MAST2: variants seen among roughly 807,000 people sequenced by gnomAD.
The protein encoded by MAST2 is microtubule-associated serine/threonine-protein kinase 2.
MAST2 carries 70 observed loss-of-function variants against 147.4 expected under a neutral mutation model. The ratio of observed to expected loss-of-function variants is 0.47; its 90% CI spans 0.39 to 0.58. MAST2 has a LOEUF of 0.58. Among genes scored for constraint, MAST2 ranks in the 20% least tolerant of loss-of-function variants. MAST2 has a pLI of 0.00. For missense variants in MAST2, 2,080 were observed against 2,302.3 expected, an observed-to-expected ratio of 0.90 and a Z score of 1.98; for synonymous variants, 869 against 896.8, an observed-to-expected ratio of 0.97 and a Z score of 0.55.
intron 4 of MAST2, among the ~76,000 whole-genome samples, chr1:45,948,372 C>G (rs1475949010): frequency 6.6e-6 from 1 of 152,032 alleles, no homozygotes; most frequent in Non-Finnish European, 1.5e-5. Context: ...ATCAAACTAC[C>G]AAGAGTATTC....
chr1:45,832,920 A>T (rs192446398), intron 3 of MAST2, among the ~76,000 whole-genome samples: 1 of 152,074 alleles, frequency 6.6e-6, no homozygotes, highest in African/African-American at 2.4e-5. Flanking sequence ...TAGAAACTGT[A>T]CTCTTCAGGT....
At chr1:46,028,676 T>C (rs1041663126) in intron 17 of MAST2, 92 bp from the exon 18 acceptor site, 32 of 1,353,340 alleles carry the variant, frequency 2.4e-5, no homozygotes, top group Non-Finnish European at 3.3e-5. Context: ...TCAGAGATTC[T>C]TCTGCTCGAG....
In MAST2 at chr1:45,980,697, A is replaced by G. The variant is rs118073846; in HGVS notation, c.593-17027A>G. Among the ~76,000 whole-genome samples, 87 of 151,948 alleles carry G rather than the reference A, an allele frequency of 5.7e-4. No homozygotes were observed. The East Asian group carries it at 0.013, about 23-fold the overall frequency. Reference sequence around the variant, plus strand: ...CTACATGTGCGCACCACTATGCCCAACTAATTTTTTAATTTTTTTGTAGAG... The same window carrying G: ...CTACATGTGCGCACCACTATGCCCAGCTAATTTTTTAATTTTTTTGTAGAG... On this transcript the variant is annotated intron_variant, in intron 5 of 28. Transcript: ENST00000361297.
At chr1:45,849,582 A>G (rs932608444) in intron 3 of MAST2, among the ~76,000 whole-genome samples, 1 of 150,310 alleles carries the variant, frequency 6.7e-6, no homozygotes, top group African/African-American at 2.5e-5. Context: ...GCTGGAGTGC[A>G]GTGGCGCGAT....
intron 5 of MAST2, among the ~76,000 whole-genome samples, chr1:45,982,217 T>A (rs1280848442): frequency 6.6e-6 from 1 of 152,140 alleles, no homozygotes; most frequent in Non-Finnish European, 1.5e-5. Context: ...GTAGCACACA[T>A]TTTTAGGCCT....
rs1645650244 is a variant in MAST2, at chr1:46,010,071, A to C, written c.979-659A>C. Among the ~76,000 whole-genome samples, 3 of 151,952 alleles carry C rather than the reference A, an allele frequency of 2.0e-5. No homozygotes were observed. In the South Asian group the frequency reaches 6.2e-4, roughly 32 times the overall value. Reference sequence around the variant, plus strand: ...ATCCACAGTCCCCCCATTCCAACTCACCATCTGTGACCAGACAGGTTCACT... The same window carrying C: ...ATCCACAGTCCCCCCATTCCAACTCCCCATCTGTGACCAGACAGGTTCACT... On this transcript the variant is annotated intron_variant, in intron 9 of 28. Transcript: ENST00000361297.
intron 3 of MAST2, among the ~76,000 whole-genome samples, chr1:45,854,619 A>G (rs1035182051): frequency 7.2e-5 from 11 of 152,210 alleles, no homozygotes; most frequent in Non-Finnish European, 1.6e-4. Context: ...CATTAAACCT[A>G]TAAAGAAATA....
At chr1:46,002,364 C>A (rs188575463) in intron 6 of MAST2, among the ~76,000 whole-genome samples, 1 of 152,194 alleles carries the variant, frequency 6.6e-6, no homozygotes, top group Non-Finnish European at 1.5e-5. Context: ...CCCACTTCTT[C>A]CTGTTGTCAG....
intron 10 of MAST2, among the ~76,000 whole-genome samples, chr1:46,016,530 A>G (rs917131003): frequency 3.9e-5 from 6 of 152,146 alleles, no homozygotes; most frequent in Non-Finnish European, 2.9e-5. Flanking sequence ...ATTCTTATAC[A>G]CCAATAACAG....
rs78526044 is a variant in MAST2 at position 45,828,462 on chromosome 1, T to C, written c.326-977T>C. Reference sequence around the variant, plus strand: ...AGATAATCTGGATTTATGGAGGGTCTTTTTCATATGCCAAAATGTCTGGCA... The same window carrying C: ...AGATAATCTGGATTTATGGAGGGTCCTTTTCATATGCCAAAATGTCTGGCA... On this transcript the variant is annotated intron_variant, in intron 2 of 28. Transcript: ENST00000361297. Among the ~76,000 whole-genome samples, 2,259 of 152,300 alleles carry C rather than the reference T, an allele frequency of 0.015. 111 individuals are homozygous for C. The East Asian group carries it at 0.2, about 13-fold the overall frequency.
At chr1:45,848,214 AC>A (rs747158567) in intron 3 of MAST2, among the ~76,000 whole-genome samples, 1 of 152,360 alleles carries the variant, frequency 6.6e-6, no homozygotes, top group East Asian at 1.9e-4. Flanking sequence ...TCCTGAGACT[AC>A]TATCCTTAGA....
intron 1 of MAST2, among the ~76,000 whole-genome samples, chr1:45,818,021 C>T (rs1436275801): frequency 6.6e-6 from 1 of 152,130 alleles, no homozygotes; most frequent in Non-Finnish European, 1.5e-5. Context: ...AAAACGTTGT[C>T]GAGATGCTTG....
In MAST2 at chr1:46,019,646, G is replaced by A. The variant is rs371311999; in HGVS notation, c.1239G>A (p.Val413=). Residue 413 remains valine (V), a synonymous_variant, in exon 11 of 29, where the codon GTG becomes GTA. Coordinates refer to ENST00000361297, the MANE Select transcript of MAST2 (RefSeq NM_015112.3). ...AAGTGGCTTTTGTGATGCAGCTGGT[G>A]AAAAAGCTGATGATTATCATTGCCC... ...SSEVAFVMQL[V]KKLMIIIARP... The A allele has an allele frequency of 1.6e-4, 258 of 1,614,186 alleles. No homozygotes were observed. In the African/African-American group the frequency reaches 2.8e-3, roughly 17 times the overall value.
At chr1:45,883,912 G>GCCTCCCCC (rs59944185) in intron 4 of MAST2, among the ~76,000 whole-genome samples, 5 of 2,504 alleles carry the variant, frequency 2.0e-3, no homozygotes, top group African/African-American at 2.6e-3. Context: ...TACTATTTCT[G>GCCTCCCCC]CCCCCCCCGC....
At chr1:45,821,895 T>G (rs13376284) in intron 1 of MAST2, among the ~76,000 whole-genome samples, 1 of 139,976 alleles carries the variant, frequency 7.1e-6, no homozygotes, top group Non-Finnish European at 1.6e-5. Context: ...CTTTTTTTTT[T>G]TTTTTTTTTT....
intron 3 of MAST2, among the ~76,000 whole-genome samples, chr1:45,857,758 A>G (rs1645837216): frequency 6.8e-6 from 1 of 147,906 alleles, no homozygotes; most frequent in Non-Finnish European, 1.5e-5. Flanking sequence ...CCCTCCCCCG[A>G]CTCCATGACA....
intron 4 of MAST2, among the ~76,000 whole-genome samples, chr1:45,911,853 A>ATATTATTATTATTAT (rs10595888): frequency 1.5e-5 from 2 of 135,798 alleles, no homozygotes; most frequent in African/African-American, 2.8e-5. Context: ...TATTATTGTT[A>ATATTATTATTATTAT]TATTATTATT....
intron 4 of MAST2, among the ~76,000 whole-genome samples, chr1:45,909,433 C>T (rs980618734): frequency 2.0e-5 from 3 of 151,932 alleles, no homozygotes; most frequent in African/African-American, 7.3e-5. Flanking sequence ...TTTAAACCAT[C>T]GGAGGAGAGG....
At chr1:45,805,800 T>A (rs1394635245) in intron 1 of MAST2, among the ~76,000 whole-genome samples, 1 of 152,240 alleles carries the variant, frequency 6.6e-6, no homozygotes, top group African/African-American at 2.4e-5. Flanking sequence ...TTACTCTCTT[T>A]GTTTTATATC....
Sources: allele counts gnomAD v4.1 joint callset (sites outside exome capture counted in the v4.1 genomes callset), GRCh38; gene constraint gnomAD v4.1.1; transcripts MANE v1.5; gene names NCBI Gene and HGNC (gene_info 2026-07-23, HGNC 2026-07-21).